SLC25A26: variants seen among roughly 807,000 people sequenced by gnomAD.
The protein encoded by SLC25A26 is mitochondrial S-adenosylmethionine carrier protein.
Under a neutral mutation model 37.8 loss-of-function variants are expected in SLC25A26, and 36 were observed. The observed-to-expected ratio is 0.95, with a 90% CI of 0.73 to 1.26. SLC25A26 has a LOEUF of 1.26. Ranked by LOEUF, SLC25A26 falls within the 50% of genes most tolerant of loss-of-function variation. The probability of loss-of-function intolerance (pLI) is 0.00; values close to 1 mark genes in which losing one functional copy is unlikely to be tolerated. For missense variants in SLC25A26, 390 were observed against 331.1 expected, an observed-to-expected ratio of 1.18 and a Z score of -1.38; for synonymous variants, 129 against 122.5, an observed-to-expected ratio of 1.05 and a Z score of -0.35.
At chr3:66,172,410 G>GAAAAAAAAAAAAAAAAAAAAAAAAAA (rs1199322248) in intron 1 of SLC25A26, among the ~76,000 whole-genome samples, 1 of 75,176 alleles carries the variant, frequency 1.3e-5, no homozygotes, top group African/African-American at 5.0e-5. Flanking sequence ...TACCTGTAAA[G>GAAAAAAAAAAAAAAAAAAAAAAAAAA]AAAAAAAAAA....
intron 5 of SLC25A26, among the ~76,000 whole-genome samples, chr3:66,314,492 T>TTGA (rs1165805476): frequency 6.6e-5 from 10 of 152,332 alleles, no homozygotes; most frequent in African/African-American, 2.4e-4. Context: ...GATAAGGTTT[T>TTGA]TGATGTGCTG....
At chr3:66,365,426 C>T (rs939346619) in intron 7 of SLC25A26, among the ~76,000 whole-genome samples, 2 of 152,130 alleles carry the variant, frequency 1.3e-5, no homozygotes, top group Non-Finnish European at 2.9e-5. Flanking sequence ...GGCTTCTGGT[C>T]GGGGTGAAAC....
intron 5 of SLC25A26, among the ~76,000 whole-genome samples, chr3:66,291,310 C>T (rs1423680242): frequency 3.3e-5 from 5 of 151,932 alleles, no homozygotes; most frequent in African/African-American, 9.7e-5. Context: ...TCTCTTTCTC[C>T]TTCATTTCTG....
chr3:66,341,339 G>A (rs551434835), intron 5 of SLC25A26, among the ~76,000 whole-genome samples: 11 of 152,140 alleles, frequency 7.2e-5, no homozygotes, highest in Middle Eastern at 6.8e-3. Flanking sequence ...TTGTTTCCAG[G>A]GCTTTAGAAG....
rs562788027 is a variant in SLC25A26, at chr3:66,245,543, G to T, written c.300+2231G>T. Among the ~76,000 whole-genome samples the T allele has an allele frequency of 7.9e-5, 12 of 152,196 alleles. No homozygotes were observed. The South Asian group carries it at 2.3e-3, about 29-fold the overall frequency. On this transcript the variant is annotated intron_variant, in intron 3 of 9. Transcript: ENST00000354883. ...CTTTTATCAAATCACACTTTTCTTT[G>T]TAATTAGAAAAGTAATGGCATATGT...
At chr3:66,270,955 T>C (rs1485832927) in intron 5 of SLC25A26, among the ~76,000 whole-genome samples, 1 of 152,212 alleles carries the variant, frequency 6.6e-6, no homozygotes, top group African/African-American at 2.4e-5. Context: ...TGCTACATAT[T>C]TCCATTGTTG....
At chr3:66,324,178 G>A (rs1320805894) in intron 5 of SLC25A26, 1 of 2,900 alleles carries the variant, frequency 3.4e-4, no homozygotes, top group African/African-American at 2.8e-3. Flanking sequence ...TTGTTAAAAA[G>A]TGTGTGTGTG....
At chr3:66,247,602 A>C (rs2072909055) in intron 3 of SLC25A26, among the ~76,000 whole-genome samples, 1 of 152,154 alleles carries the variant, frequency 6.6e-6, no homozygotes, top group African/African-American at 2.4e-5. Flanking sequence ...GAGACACTGC[A>C]CCCTGCCAAT....
chr3:66,226,660 G>C (rs1553660831), intron 1 of SLC25A26, among the ~76,000 whole-genome samples: 2 of 152,094 alleles, frequency 1.3e-5, no homozygotes, highest in Admixed American at 1.3e-4. Flanking sequence ...ACAGGGTCTT[G>C]CTGTGTTGCC....
At chr3:66,298,923 A>C (rs1300786985) in intron 5 of SLC25A26, among the ~76,000 whole-genome samples, 2 of 152,198 alleles carry the variant, frequency 1.3e-5, no homozygotes, top group African/African-American at 4.8e-5. Context: ...CCCAAGTTAC[A>C]TAGAAACAGT....
intron 1 of SLC25A26, among the ~76,000 whole-genome samples, chr3:66,167,348 T>C (rs1576607621): frequency 6.6e-6 from 1 of 151,980 alleles, no homozygotes; most frequent in East Asian, 1.9e-4. Flanking sequence ...CAGGAGAAAA[T>C]GACACTAACA....
chr3:66,299,811 G>A (rs2075019431), intron 5 of SLC25A26, among the ~76,000 whole-genome samples: 1 of 152,170 alleles, frequency 6.6e-6, no homozygotes, highest in Non-Finnish European at 1.5e-5. Flanking sequence ...ACTTCCACAT[G>A]CGGGTAGTTT....
chr3:66,346,890 G>C (rs2076338699), intron 6 of SLC25A26, among the ~76,000 whole-genome samples: 1 of 152,090 alleles, frequency 6.6e-6, no homozygotes, highest in Admixed American at 6.6e-5. Context: ...GGGAGCAGCA[G>C]GGTCTTAGGG....
At chr3:66,156,625 G>GGATA (rs1287344943) in intron 1 of SLC25A26, among the ~76,000 whole-genome samples, 2 of 152,084 alleles carry the variant, frequency 1.3e-5, no homozygotes, top group Non-Finnish European at 2.9e-5. Context: ...ATGATGTAGG[G>GGATA]GATAATTGGA....
At chr3:66,335,054 A>G (rs980159565) in intron 5 of SLC25A26, among the ~76,000 whole-genome samples, 5 of 152,236 alleles carry the variant, frequency 3.3e-5, no homozygotes, top group African/African-American at 7.2e-5. Context: ...TACTTGTGGT[A>G]GAGTGTTTAC....
chr3:66,330,409 A>G (rs941211132), intron 5 of SLC25A26, among the ~76,000 whole-genome samples: 5 of 152,142 alleles, frequency 3.3e-5, no homozygotes, highest in Admixed American at 1.3e-4. Context: ...GATTATTTAA[A>G]TGTTGTATAT....
chr3:66,311,295 T>C (rs2075369811), intron 5 of SLC25A26, among the ~76,000 whole-genome samples: 1 of 152,078 alleles, frequency 6.6e-6, no homozygotes, highest in African/African-American at 2.4e-5. Context: ...TATTGATACT[T>C]GTGTATGCTT....
chr3:66,225,672 C>T (rs975697259), intron 1 of SLC25A26, among the ~76,000 whole-genome samples: 9 of 152,058 alleles, frequency 5.9e-5, no homozygotes, highest in South Asian at 2.1e-4. Context: ...TCTTTTTTAC[C>T]GCATCATCAG....
rs1459702073 is a variant in SLC25A26 at position 66,303,372 on chromosome 3, GGCTCGTCCTCT to G, written c.453+39997_453+40007del. ...AACTGTGTTGGAGGAACTGGGCTGT[GGCTCGTCCTCT>G]GCTGCTCGTTAGCCCTGTGAACCTG... On this transcript the variant is annotated intron_variant, in intron 5 of 9. Transcript: ENST00000354883. Among the ~76,000 whole-genome samples, 3 of 152,208 alleles carry G rather than the reference GGCTCGTCCTCT, an allele frequency of 2.0e-5. No homozygotes were observed. The East Asian group carries it at 5.8e-4, about 29-fold the overall frequency.
Sources: gnomAD v4.1 joint callset for allele counts (sites outside exome capture counted in the v4.1 genomes callset) on GRCh38, gnomAD v4.1.1 for gene constraint, MANE v1.5 for transcripts, NCBI Gene and HGNC (gene_info 2026-07-23, HGNC 2026-07-21) for gene names.